Variants in NIPBL observed in about 807,000 individuals in gnomAD.
NIPBL encodes the protein nipped-B-like protein.
Under a neutral mutation model 321.8 loss-of-function variants are expected in NIPBL, and 19 were observed. The observed-to-expected ratio is 0.06, with a 90% CI of 0.04 to 0.09. NIPBL has a LOEUF of 0.09. Ranked by LOEUF, NIPBL falls within the 10% of genes least tolerant of loss-of-function variation. The pLI is 1.00. For synonymous variants in NIPBL, 1,106 were observed against 1,114.1 expected (o/e 0.99, Z 0.14); for missense variants, 2,210 against 3,327.0 (o/e 0.66, Z 8.26).
intron 32 of NIPBL, among the ~76,000 whole-genome samples, chr5:37,033,005 TTA>T (rs1751246921): frequency 1.3e-5 from 2 of 152,302 alleles, no homozygotes; most frequent in Middle Eastern, 6.8e-3. Flanking sequence ...TACTTCTTAT[TTA>T]TATTATAAGT....
intron 25 of NIPBL, 117 bp downstream of exon 25, chr5:37,019,517 C>T (rs1186446269): frequency 1.4e-6 from 1 of 735,302 alleles, no homozygotes; most frequent in Admixed American, 2.0e-5. Context: ...TATTGATTTT[C>T]AAAACAAAGG....
Position 37,016,147 on chromosome 5 carries a change from C to T in NIPBL, c.4753C>T (p.Leu1585Phe). 1.9e-6 allele frequency: 3 copies of T among 1,613,884 alleles called. No individual in the cohort carries two copies. The highest frequency in any genetic ancestry group is 2.5e-6 in the Non-Finnish European group (3 of 1,179,884). The change falls in exon 23 of 47, where the codon CTT becomes TTT. Residue 1585 changes from leucine (L) to phenylalanine (F), a missense_variant. This residue lies in a region of NIPBL where 28 missense variants were observed against 91.3 expected (regional missense o/e 0.31). Transcript: ENST00000282516. ...KPEWPAAELL[L>F]SLLGRLLVHQ... ...TGAATGGCCAGCTGCTGAACTACTCCTTAGTTTGTTAGGGAGACTGTTGGT... is the reference window on the plus strand; with the variant it reads ...TGAATGGCCAGCTGCTGAACTACTCTTTAGTTTGTTAGGGAGACTGTTGGT...
In NIPBL at chr5:37,046,106, T is replaced by C. The variant is rs1448616677; in HGVS notation, c.6499-3T>C. 6.9e-7 allele frequency: 1 copy of C among 1,440,430 alleles called. No homozygotes were observed. Among genetic ancestry groups the C allele is most frequent in the African/African-American group, 1.4e-5 (1 of 71,398 alleles). The allele number at this position is 1,440,430 out of a possible 1,614,324, so 89.2% of individuals were successfully genotyped here. A position where few individuals can be genotyped will look rare whatever the true frequency, so the allele number is the denominator to read the frequency against. ...ACACTTTAATGTGTTTTCCTCCCCT[T>C]AGGTTAACATAAAAGATAAAGTACT... On this transcript the variant is annotated splice_polypyrimidine_tract_variant and splice_region_variant and intron_variant, in intron 37 of 46. Transcript: ENST00000282516.
chr5:36,914,210 C>A (rs1354966093), intron 1 of NIPBL, among the ~76,000 whole-genome samples: 1 of 152,224 alleles, frequency 6.6e-6, no homozygotes, highest in African/African-American at 2.4e-5. Context: ...CCTTACCCTA[C>A]TGGTAAGTGT....
Position 36,970,976 on chromosome 5 carries a change from T to A in NIPBL, c.711T>A (p.Asp237Glu). Reference protein sequence around the residue: ...LSGNSANHHADNPRHGSSEDY... With the variant: ...LSGNSANHHAENPRHGSSEDY... ...GCAATTCAGCTAATCATCATGCTGA[T>A]AATCCTAGACATGGTTCAAGTGAGG... Residue 237 changes from aspartate to glutamate, a missense_variant, in exon 7 of 47, where the codon GAT becomes GAA. This residue lies in a region of NIPBL where 464 missense variants were observed against 529.5 expected (regional missense o/e 0.88). Transcript: ENST00000282516. 6.2e-7 allele frequency: 1 copy of A among 1,613,556 alleles called. No homozygotes were observed. The highest frequency in any genetic ancestry group is 1.7e-4 in the Middle Eastern group (1 of 6,058).
chr5:37,061,133 C>A, intron 45 of NIPBL, 115 bp downstream of exon 45: 2 of 746,436 alleles, frequency 2.7e-6, no homozygotes, highest in Non-Finnish European at 4.5e-6. Context: ...GCTTCATGAA[C>A]TATCAAGATA....
At chr5:37,039,828 C>T (rs1384069482) in intron 34 of NIPBL, among the ~76,000 whole-genome samples, 1 of 152,078 alleles carries the variant, frequency 6.6e-6, no homozygotes, top group Non-Finnish European at 1.5e-5. Context: ...TAATAAATAC[C>T]TAAAAACAAC....
chr5:37,008,212 G>A, intron 19 of NIPBL, 124 bp downstream of exon 19: 1 of 694,838 alleles, frequency 1.4e-6, no homozygotes, highest in East Asian at 2.7e-5. Context: ...TCAATCTAAG[G>A]ACTATTTTAC....
At chr5:36,949,373 C>A (rs1470264327) in intron 1 of NIPBL, among the ~76,000 whole-genome samples, 1 of 151,782 alleles carries the variant, frequency 6.6e-6, no homozygotes, top group Non-Finnish European at 1.5e-5. Flanking sequence ...GTTTAAGTGT[C>A]CATGTGCCAG....
At position 37,065,208 on chromosome 5, in the gene NIPBL, C is replaced by CCTG; in HGVS notation, c.*316_*317insCTG. 1 of 348,654 alleles carries CCTG rather than the reference C, an allele frequency of 2.9e-6. No individual in the cohort carries two copies. Among genetic ancestry groups the CCTG allele is most frequent in the South Asian group, 2.9e-5 (1 of 35,068 alleles). 21.6% of individuals were successfully genotyped at this position (348,654 alleles called of 1,614,324 possible). ...TGTTGGAAATTAGTCTGTTAATGTT[C>CCTG]TTAATAAAGTGTTCTTGGAGTTTAA... On this transcript the variant is annotated 3_prime_UTR_variant, in exon 47 of 47. Coordinates refer to ENST00000282516, the MANE Select transcript of NIPBL (RefSeq NM_133433.4).
Position 36,951,566 on chromosome 5 carries a change from G to C in NIPBL, c.-79-2052G>C, listed in dbSNP as rs189494983. 8.2e-4 allele frequency among the ~76,000 whole-genome samples: 124 copies of C among 152,138 alleles called. 1 individual carries two copies. In the East Asian group the frequency reaches 0.015, roughly 18 times the overall value. On this transcript the variant is annotated intron_variant, in intron 1 of 46. Transcript: ENST00000282516. Reference sequence around the variant, plus strand: ...ATTTAGGAAAAATTCATTGTGTTTTGGTGACCTTTATCAGATTTTAAATTC... The same window carrying C: ...ATTTAGGAAAAATTCATTGTGTTTTCGTGACCTTTATCAGATTTTAAATTC...
chr5:36,975,217 T>C (rs1010600760), intron 8 of NIPBL, among the ~76,000 whole-genome samples: 2 of 152,092 alleles, frequency 1.3e-5, no homozygotes, highest in African/African-American at 4.8e-5. Context: ...ATCAATATTT[T>C]ACCACCAGTT....
intron 1 of NIPBL, among the ~76,000 whole-genome samples, chr5:36,918,636 A>C (rs1748673152): frequency 6.6e-6 from 1 of 152,088 alleles, no homozygotes; most frequent in Admixed American, 6.5e-5. Flanking sequence ...GTTTTTGCCC[A>C]TTCAGTATGA....
At chr5:36,961,634 G>A (rs1270202822) in intron 5 of NIPBL, 51 bp downstream of exon 5, 3 of 1,099,752 alleles carry the variant, frequency 2.7e-6, no homozygotes, top group African/African-American at 3.1e-5. Flanking sequence ...TGGTGAATAT[G>A]CTGGTGAATA....
chr5:37,008,544 T>C (rs1478284916), intron 19 of NIPBL, 79 bp from the exon 20 acceptor site: 6 of 794,746 alleles, frequency 7.5e-6, no homozygotes, highest in Non-Finnish European at 1.1e-5. Context: ...TGGCAGGTAA[T>C]TTTTTAAATC....
At chr5:36,936,658 C>G (rs760241967) in intron 1 of NIPBL, among the ~76,000 whole-genome samples, 2 of 152,190 alleles carry the variant, frequency 1.3e-5, no homozygotes, top group Non-Finnish European at 2.9e-5. Context: ...CACTACCATC[C>G]CATTTTACCT....
intron 10 of NIPBL, among the ~76,000 whole-genome samples, chr5:36,989,840 A>C (rs1294110756): frequency 5.2e-5 from 5 of 95,506 alleles, no homozygotes; most frequent in Admixed American, 3.8e-4. Context: ...CTCTGTCTCC[A>C]AAAAAAAAAA....
chr5:36,918,985 T>C (rs1274618393), intron 1 of NIPBL, among the ~76,000 whole-genome samples: 1 of 152,186 alleles, frequency 6.6e-6, no homozygotes, highest in Non-Finnish European at 1.5e-5. Flanking sequence ...TGTAAAATTC[T>C]CTTTTTTTGT....
chr5:37,064,315 GAC>G (rs1471467106), intron 46 of NIPBL: 25 of 1,420,998 alleles, frequency 1.8e-5, no homozygotes, highest in Non-Finnish European at 1.6e-5. Context: ...TAAGAGTAAA[GAC>G]ACGGGTACAA....
Sources: gnomAD v4.1 joint callset for allele counts (sites outside exome capture counted in the v4.1 genomes callset) on GRCh38, gnomAD v4.1.1 for gene constraint, gnomAD v4.1.1 regional missense constraint, MANE v1.5 for transcripts, NCBI Gene and HGNC (gene_info 2026-07-23, HGNC 2026-07-21) for gene names.